SMARCA2: variants seen among roughly 807,000 people sequenced by gnomAD.
SMARCA2 encodes SWI/SNF-related matrix-associated actin-dependent regulator of chromatin subfamily A member 2.
SMARCA2 carries 61 observed loss-of-function variants against 199.8 expected under a neutral mutation model. The observed-to-expected ratio is 0.31, with a 90% CI of 0.25 to 0.38. SMARCA2 has a LOEUF of 0.38. Among genes scored for constraint, SMARCA2 ranks in the 10% least tolerant of loss-of-function variants. SMARCA2 has a pLI of 1.00. For synonymous variants in SMARCA2, 935 were observed against 732.0 expected (o/e 1.28, Z -4.48); for missense variants, 1,344 against 2,012.2 (o/e 0.67, Z 6.35).
rs1216247331 is a variant in SMARCA2 at position 2,054,718 on chromosome 9, C to A, written c.1168C>A (p.Arg390Ser). 1.9e-6 allele frequency: 3 copies of A among 1,613,908 alleles called. No individual in the cohort carries two copies. Residue 390 changes from arginine to serine, a missense_variant, in exon 6 of 34, where the codon CGT (arginine) becomes AGT (serine). Transcript: ENST00000349721. ...AGCACTTCGGTTACTCAATTTCCAGCGTCAGGTAATACATTTTCCCCAGTG... is the reference window on the plus strand; with the variant it reads ...AGCACTTCGGTTACTCAATTTCCAGAGTCAGGTAATACATTTTCCCCAGTG... ...LKALRLLNFQ[R>S]QLRQEVVACM...
intron 2 of SMARCA2, among the ~76,000 whole-genome samples, chr9:2,030,193 G>A (rs1269703428): frequency 6.6e-6 from 1 of 152,192 alleles, no homozygotes; most frequent in Non-Finnish European, 1.5e-5. Context: ...ATAGGAGATA[G>A]AGATATATGT....
intron 31 of SMARCA2, among the ~76,000 whole-genome samples, chr9:2,184,227 G>C (rs548771978): frequency 1.3e-5 from 2 of 152,136 alleles, no homozygotes; most frequent in Admixed American, 1.3e-4. Flanking sequence ...TGCTTCCCCA[G>C]TTACATTTCT....
chr9:2,081,807 T>C (rs375985297), intron 14 of SMARCA2, 25 bp from the exon 15 acceptor site: 9 of 1,609,062 alleles, frequency 5.6e-6, no homozygotes, highest in Non-Finnish European at 7.7e-6. Flanking sequence ...TCTTGGATAA[T>C]TGAAGCAATT....
intron 30 of SMARCA2, 147 bp from the exon 31 acceptor site, chr9:2,181,994 C>T (rs140128923): frequency 3.3e-4 from 223 of 679,668 alleles, no homozygotes; most frequent in Middle Eastern, 2.7e-3. Flanking sequence ...TGGTGAATGG[C>T]GCCCCCTGGG....
At chr9:2,026,377 C>T (rs1221354844) in intron 1 of SMARCA2, among the ~76,000 whole-genome samples, 1 of 152,142 alleles carries the variant, frequency 6.6e-6, no homozygotes, top group African/African-American at 2.4e-5. Context: ...TAATTTTCCA[C>T]TTCCCTTCCA....
Position 2,186,173 on chromosome 9 carries a change from G to C in SMARCA2, c.4539G>C (p.Glu1513Asp), listed in dbSNP as rs1827437404. The change falls in exon 32 of 34, where the codon GAG becomes GAC. Residue 1513 changes from glutamate to aspartate, a missense_variant. Glu to Asp is a conservative substitution (Grantham distance 45). Transcript: ENST00000349721. ...AAATTGCCAAAGAGGAAGAGAGTGA[G>C]GATGAAAGCAATGAAGAGGAGGAAG... Reference protein sequence around the residue: ...RQKIAKEEESEDESNEEEEEE... With the variant: ...RQKIAKEEESDDESNEEEEEE... 4.3e-6 allele frequency: 7 copies of C among 1,614,050 alleles called. No individual in the cohort carries two copies. The highest frequency in any genetic ancestry group is 5.1e-6 in the Non-Finnish European group (6 of 1,179,930).
At position 2,033,047 on chromosome 9, in the gene SMARCA2, C is replaced by T. The variant is rs773736788; in HGVS notation, c.321C>T (p.Gly107=). Residue 107 remains glycine (G), a synonymous_variant, in exon 3 of 34, where the codon GGC becomes GGT. Coordinates refer to ENST00000349721, the MANE Select transcript of SMARCA2 (RefSeq NM_003070.5). ...TGCGACCACCTCACCCAGGCATGGG[C>T]CCTCCCCAGAGTCCAATGGATCAAC... The part of the protein sequence containing the change: ...TGMRPPHPGM[G]PPQSPMDQHS... The T allele has an allele frequency of 5.6e-6, 9 of 1,614,088 alleles. No individual in the cohort carries two copies. The highest frequency in any genetic ancestry group is 6.8e-6 in the Non-Finnish European group (8 of 1,179,940).
At position 2,152,540 on chromosome 9, in the gene SMARCA2, G is replaced by A. The variant is rs375607779; in HGVS notation, c.3982-9146G>A. On this transcript the variant is annotated intron_variant, in intron 27 of 33. Coordinates refer to ENST00000349721, the MANE Select transcript of SMARCA2 (RefSeq NM_003070.5). Reference sequence around the variant, plus strand: ...TGCACTCCAGCCTGGGCAACAGAGCGAGACTCCATCTCAAAAATTTAAAAA... The same window carrying A: ...TGCACTCCAGCCTGGGCAACAGAGCAAGACTCCATCTCAAAAATTTAAAAA... 6.4e-4 allele frequency among the ~76,000 whole-genome samples: 97 copies of A among 151,752 alleles called. 1 individual carries two copies. Among genetic ancestry groups the A allele is most frequent in the African/African-American group, 2.3e-3 (94 of 41,380 alleles).
At chr9:2,096,545 GAGAA>G in intron 19 of SMARCA2, 108 bp from the exon 20 acceptor site, 1 of 700,376 alleles carries the variant, frequency 1.4e-6, no homozygotes. Context: ...ATCCAAGAAA[GAGAA>G]AGAGAGACAC....
chr9:2,083,988 T>G, intron 16 of SMARCA2, 98 bp from the exon 17 acceptor site: 1 of 668,338 alleles, frequency 1.5e-6, no homozygotes, highest in East Asian at 2.7e-5. Flanking sequence ...TGTGCATTCT[T>G]CAGTCACATG....
At chr9:2,179,159 G>A (rs1826833854) in intron 29 of SMARCA2, among the ~76,000 whole-genome samples, 1 of 152,118 alleles carries the variant, frequency 6.6e-6, no homozygotes, top group South Asian at 2.1e-4. Flanking sequence ...CATAAAGAGG[G>A]GATTGCCCAT....
chr9:2,169,413 C>G lies in SMARCA2; in HGVS notation c.4200-1006C>G, dbSNP rs531083109. Among the ~76,000 whole-genome samples the G allele has an allele frequency of 6.6e-6, 1 of 151,772 alleles. No individual in the cohort carries two copies. Among genetic ancestry groups the G allele is most frequent in the Non-Finnish European group, 1.5e-5 (1 of 68,024 alleles). ...TCCACAGTCTGAACCTTCGGATCTT[C>G]CCAACTTTTTTTTTCCAACGCACCC... is the stretch of plus-strand genomic sequence containing the variant. On this transcript the variant is annotated intron_variant, in intron 28 of 33. Transcript: ENST00000349721. This position sits in a 1 kb window ranked among gnomAD's most constrained non-coding sequence, Gnocchi z 6.5.
chr9:2,061,741 T>A (rs569275322), intron 9 of SMARCA2, among the ~76,000 whole-genome samples: 23 of 152,306 alleles, frequency 1.5e-4, no homozygotes, highest in Middle Eastern at 3.4e-3. Flanking sequence ...GAAGTCAGAA[T>A]TGTAAAGGTT....
At position 2,063,024 on chromosome 9, in the gene SMARCA2, T is replaced by C. The variant is rs1820672410; in HGVS notation, c.1692+2038T>C. On this transcript the variant is annotated intron_variant, in intron 9 of 33. Transcript: ENST00000349721. ...GATATCTTTGAGTATCTCCCATTGA[T>C]TATCTCACATGATCAATGTGCAGAA... Among the ~76,000 whole-genome samples, 5 of 152,178 alleles carry C rather than the reference T, an allele frequency of 3.3e-5. No individual in the cohort carries two copies. In the South Asian group the frequency reaches 8.3e-4, roughly 25 times the overall value.
Position 2,047,431 on chromosome 9 carries a change from C to G in SMARCA2, c.993C>G (p.Ile331Met). ...AGAAGCAGAGCCGCATCAGCCCCAT[C>G]CAGAAACCGCAAGGCCTGGACCCCG... ...LQQKQSRISP[I>M]QKPQGLDPVE... is the part of the protein sequence containing the mutation. The change falls in exon 5 of 34, where the codon ATC (isoleucine) becomes ATG (methionine). Residue 331 changes from isoleucine to methionine, a missense_variant. Around this residue, in one of 18 missense-constraint regions of SMARCA2, gnomAD observed 155 missense variants for 260.0 expected, o/e 0.60. Transcript: ENST00000349721. 6.3e-7 allele frequency: 1 copy of G among 1,586,172 alleles called. No homozygotes were observed. The highest frequency in any genetic ancestry group is 8.6e-7 in the Non-Finnish European group (1 of 1,167,730).
At position 2,039,795 on chromosome 9, in the gene SMARCA2, CAGCAGCA is replaced by C. The variant is rs1563724805; in HGVS notation, c.686_692del (p.Gln229ArgfsTer39). 3.4e-5 allele frequency: 54 copies of C among 1,602,362 alleles called. No homozygotes were observed. The highest frequency in any genetic ancestry group is 4.4e-5 in the Non-Finnish European group (52 of 1,173,240). ...GCAGCAACAGCAGCAGCAGCAGCAG[CAGCAGCA>C]GCAGCAGCAGCAGCAACAGCAGCCG... On this transcript the variant is annotated frameshift_variant, in exon 4 of 34. Coordinates refer to ENST00000349721, the MANE Select transcript of SMARCA2 (RefSeq NM_003070.5). LOFTEE classifies it high-confidence loss of function. This position sits in a 1 kb window ranked among gnomAD's most constrained non-coding sequence, Gnocchi z 4.8.
chr9:2,166,118 A>G (rs1365100799), intron 28 of SMARCA2, among the ~76,000 whole-genome samples: 1 of 152,204 alleles, frequency 6.6e-6, no homozygotes, highest in Non-Finnish European at 1.5e-5. Context: ...TCTGAGAAAT[A>G]TCCTTTAAAA....
intron 19 of SMARCA2, among the ~76,000 whole-genome samples, chr9:2,090,763 T>G (rs1276246841): frequency 1.3e-5 from 2 of 152,170 alleles, no homozygotes; most frequent in Non-Finnish European, 2.9e-5. Context: ...CACATCTCTC[T>G]CCATAAACTT....
chr9:2,058,378 G>C lies in SMARCA2; in HGVS notation c.1435G>C (p.Ala479Pro). ...VAGKIQKLSK[A>P]VATWHANTER... ...CGGAAAGATCCAGAAGCTCTCCAAA[G>C]CAGTGGCAACTTGGCATGCCAACAC... Residue 479 changes from alanine (A) to proline (P), a missense_variant, in exon 8 of 34, where the codon GCA (alanine) becomes CCA (proline). Physicochemically the swap from Ala to Pro is conservative, Grantham distance 27 (BLOSUM62 -1). Transcript: ENST00000349721. 6.2e-7 allele frequency: 1 copy of C among 1,614,156 alleles called. No individual in the cohort carries two copies. The highest frequency in any genetic ancestry group is 8.5e-7 in the Non-Finnish European group (1 of 1,179,988).
Sources: allele counts gnomAD v4.1 joint callset (sites outside exome capture counted in the v4.1 genomes callset), GRCh38; gene constraint gnomAD v4.1.1; regional missense constraint gnomAD v4.1.1; non-coding constraint Gnocchi (gnomAD v3.1); transcripts MANE v1.5; gene names NCBI Gene and HGNC (gene_info 2026-07-23, HGNC 2026-07-21).